Variants in PTH2R observed in about 807,000 individuals in gnomAD.
PTH2R encodes parathyroid hormone 2 receptor.
Under a neutral mutation model 60.3 loss-of-function variants are expected in PTH2R, and 59 were observed. That is an observed-to-expected ratio of 0.98 (90% CI 0.79 to 1.22). PTH2R has a LOEUF of 1.22. Among genes scored for constraint, PTH2R ranks in the 50% most tolerant of loss-of-function variants. PTH2R has a pLI of 0.00. For synonymous variants in PTH2R, 256 were observed against 243.8 expected (o/e 1.05, Z -0.47); for missense variants, 749 against 682.6 (o/e 1.10, Z -1.08).
At chr2:208,483,361 T>A (rs1200448897) in intron 10 of PTH2R, among the ~76,000 whole-genome samples, 3 of 152,224 alleles carry the variant, frequency 2.0e-5, no homozygotes, top group African/African-American at 7.2e-5. Context: ...AACTTTTCAC[T>A]CTTCTTCATA....
chr2:208,484,415 C>T (rs1030108103), intron 10 of PTH2R, among the ~76,000 whole-genome samples: 1 of 152,198 alleles, frequency 6.6e-6, no homozygotes, highest in Non-Finnish European at 1.5e-5. Context: ...ATCCTTTAAC[C>T]AGTTTCCCTC....
At chr2:208,382,750 T>C (rs1375038091) in intron 1 of PTH2R, among the ~76,000 whole-genome samples, 2 of 152,236 alleles carry the variant, frequency 1.3e-5, no homozygotes, top group East Asian at 3.8e-4. Flanking sequence ...TTGGTGTTAC[T>C]CTGTACTTAC....
chr2:208,394,057 C>T (rs1302288698), intron 1 of PTH2R, among the ~76,000 whole-genome samples: 1 of 152,168 alleles, frequency 6.6e-6, no homozygotes, highest in Non-Finnish European at 1.5e-5. Flanking sequence ...GTTGATTGTA[C>T]AGAACTTGTA....
intron 1 of PTH2R, among the ~76,000 whole-genome samples, chr2:208,365,619 T>C (rs966099182): frequency 2.0e-5 from 3 of 151,984 alleles, no homozygotes; most frequent in Non-Finnish European, 4.4e-5. Context: ...ACATATTGGG[T>C]AATTATTTAT....
chr2:208,382,865 A>T (rs898378265), intron 1 of PTH2R, among the ~76,000 whole-genome samples: 1 of 152,238 alleles, frequency 6.6e-6, no homozygotes, highest in African/African-American at 2.4e-5. Flanking sequence ...GGCACACTGC[A>T]TGCTGCTAGT....
intron 1 of PTH2R, among the ~76,000 whole-genome samples, chr2:208,424,165 C>T (rs528322211): frequency 6.6e-6 from 1 of 152,268 alleles, no homozygotes; most frequent in South Asian, 2.1e-4. Context: ...GGGTGGAAGT[C>T]CAGGCTTCTT....
At chr2:208,431,820 C>T (rs1701977632) in intron 2 of PTH2R, among the ~76,000 whole-genome samples, 1 of 152,172 alleles carries the variant, frequency 6.6e-6, no homozygotes, top group South Asian at 2.1e-4. Context: ...GTAAACAGGT[C>T]AATAGAAGCC....
rs1338954759 is a variant in PTH2R, at chr2:208,428,261, G to C, written c.136G>C (p.Val46Leu). 3 of 1,613,616 alleles carry C rather than the reference G, an allele frequency of 1.9e-6. No individual in the cohort carries two copies. The highest frequency in any genetic ancestry group is 2.5e-6 in the Non-Finnish European group (3 of 1,179,816). The change falls in exon 2 of 13, where the codon GTA becomes CTA. Residue 46 changes from valine to leucine, a missense_variant. Val to Leu is a conservative substitution (Grantham distance 32). Coordinates refer to ENST00000272847, the MANE Select transcript of PTH2R (RefSeq NM_005048.4). ...EQIVLVLKAKVQCELNITAQL... is the reference protein window; with the variant it reads ...EQIVLVLKAKLQCELNITAQL... ...GATTGTCCTTGTGCTGAAAGCGAAA[G>C]TACAATGTGAACTCAACATCACAGC...
In PTH2R at chr2:208,493,331, C is replaced by T. The variant is rs1335207635; in HGVS notation, c.1325C>T (p.Pro442Leu). Residue 442 changes from proline to leucine, a missense_variant, in exon 13 of 13, where the codon CCA becomes CTA. Coordinates refer to ENST00000272847, the MANE Select transcript of PTH2R (RefSeq NM_005048.4). Reference protein sequence around the residue: ...NLSVDWKRTPPCGSRRCGSVL... With the variant: ...NLSVDWKRTPLCGSRRCGSVL... Reference sequence around the variant, plus strand: ...TCCGTGGACTGGAAAAGGACACCGCCATGTGGCAGCCGCAGATGCGGCTCA... The same window carrying T: ...TCCGTGGACTGGAAAAGGACACCGCTATGTGGCAGCCGCAGATGCGGCTCA... The T allele has an allele frequency of 6.4e-7, 1 of 1,564,354 alleles. No individual in the cohort carries two copies. The highest frequency in any genetic ancestry group is 8.7e-7 in the Non-Finnish European group (1 of 1,152,882).
intron 1 of PTH2R, among the ~76,000 whole-genome samples, chr2:208,377,520 G>C (rs1404169266): frequency 6.7e-6 from 1 of 148,400 alleles, no homozygotes; most frequent in Non-Finnish European, 1.5e-5. Flanking sequence ...CTCCCTCCCA[G>C]ACGGGGCGGC....
At chr2:208,360,629 TA>T in intron 1 of PTH2R, 1 of 153,216 alleles carries the variant, frequency 6.5e-6, no homozygotes, top group Non-Finnish European at 1.5e-5. Flanking sequence ...AGCGCCAGGG[TA>T]AAACAGCACC....
rs1201999809 is a variant in PTH2R at position 208,493,454 on chromosome 2, G to A, written c.1448G>A (p.Ser483Asn). The A allele has an allele frequency of 1.2e-6, 2 of 1,610,784 alleles. No individual in the cohort carries two copies. Among genetic ancestry groups the A allele is most frequent in the South Asian group, 1.1e-5 (1 of 90,460 alleles). Residue 483 changes from serine (S) to asparagine (N), a missense_variant, in exon 13 of 13, where the codon AGC (serine) becomes AAC (asparagine). By Grantham distance (46) the Ser-to-Asn change is conservative. Coordinates refer to ENST00000272847, the MANE Select transcript of PTH2R (RefSeq NM_005048.4). ...LISGKAAKIA[S>N]RQPDSHITLP... ...TCTGGCAAAGCTGCCAAGATCGCCA[G>A]CAGACAGCCTGACAGCCACATCACT...
In PTH2R at chr2:208,407,074, TG is replaced by T; in HGVS notation, c.35del (p.Gly12ValfsTer3). 7.2e-7 allele frequency: 1 copy of T among 1,394,986 alleles called. No homozygotes were observed. Among genetic ancestry groups the T allele is most frequent in the East Asian group, 2.8e-5 (1 of 36,048 alleles). 86.4% of individuals were successfully genotyped at this position (1,394,986 alleles called of 1,614,324 possible). A position where few individuals can be genotyped will look rare whatever the true frequency, so the allele number is the denominator to read the frequency against. The part of the protein sequence containing the change: MAGLGASLHV[W>X]GWLMLGSCLL... ...CGGGCTGGGGGCGTCGCTCCACGTCTGGGGTTGGCTAATGCTCGGCAGCTGC... is the reference window on the plus strand; with the variant it reads ...CGGGCTGGGGGCGTCGCTCCACGTCTGGGTTGGCTAATGCTCGGCAGCTGC... On this transcript the variant is annotated frameshift_variant, in exon 1 of 13. Transcript: ENST00000272847. LOFTEE classifies it high-confidence loss of function.
intron 4 of PTH2R, among the ~76,000 whole-genome samples, chr2:208,439,582 A>G (rs987581549): frequency 7.9e-5 from 12 of 152,050 alleles, no homozygotes; most frequent in Non-Finnish European, 7.4e-5. Flanking sequence ...CCACATTTTT[A>G]TCAGGAAAAT....
At chr2:208,472,471 G>A (rs1390933888) in intron 9 of PTH2R, among the ~76,000 whole-genome samples, 6 of 152,110 alleles carry the variant, frequency 3.9e-5, no homozygotes, top group Non-Finnish European at 8.8e-5. Flanking sequence ...ACTGAATCAT[G>A]GGGTCACTTT....
intron 1 of PTH2R, among the ~76,000 whole-genome samples, chr2:208,384,642 C>G (rs1157187284): frequency 6.6e-6 from 1 of 152,156 alleles, no homozygotes; most frequent in East Asian, 1.9e-4. Context: ...GATAGACGAA[C>G]TGTTATTTAA....
intron 1 of PTH2R, among the ~76,000 whole-genome samples, chr2:208,411,286 G>T (rs1480556392): frequency 6.6e-6 from 1 of 152,182 alleles, no homozygotes; most frequent in East Asian, 1.9e-4. Context: ...CTCAACATTT[G>T]ATTATCTCTA....
intron 1 of PTH2R, among the ~76,000 whole-genome samples, chr2:208,371,052 C>T (rs1700692295): frequency 6.6e-6 from 1 of 151,996 alleles, no homozygotes; most frequent in African/African-American, 2.4e-5. Flanking sequence ...CCAGAACTCA[C>T]TCATCACCAT....
intron 9 of PTH2R, among the ~76,000 whole-genome samples, chr2:208,466,918 G>A (rs146691879): frequency 0.011 from 1,735 of 151,964 alleles, 15 homozygotes; most frequent in Non-Finnish European, 0.018. Flanking sequence ...GTTAATTTTT[G>A]TTTTTCTTGC....
Sources: allele counts gnomAD v4.1 joint callset (sites outside exome capture counted in the v4.1 genomes callset), GRCh38; gene constraint gnomAD v4.1.1; transcripts MANE v1.5; gene names NCBI Gene and HGNC (gene_info 2026-07-23, HGNC 2026-07-21).